The following CACNA1A variants were observed in gnomAD, a reference collection of about 807,000 sequenced individuals.
CACNA1A encodes voltage-dependent P/Q-type calcium channel subunit alpha-1A.
CACNA1A carries 57 observed loss-of-function variants against 262.4 expected under a neutral mutation model. The observed-to-expected ratio is 0.22, with a 90% confidence interval of 0.18 to 0.27. The LOEUF (loss-of-function observed/expected upper bound fraction) is 0.27. CACNA1A is among the 10% of genes least tolerant of loss of function. The pLI is 1.00. For synonymous variants in CACNA1A, 1,431 were observed against 1,419.3 expected (o/e 1.01, Z -0.18); for missense variants, 2,526 against 3,562.8 (o/e 0.71, Z 7.41).
chr19:13,238,595 A>AT (rs113456944), intron 31 of CACNA1A, among the ~76,000 whole-genome samples: 5 of 147,520 alleles, frequency 3.4e-5, no homozygotes, highest in Non-Finnish European at 1.5e-5. Context: ...ATCACCCAGT[A>AT]TTTTTTTTTT....
At chr19:13,370,387 G>A (rs1013793082) in intron 4 of CACNA1A, among the ~76,000 whole-genome samples, 7 of 152,068 alleles carry the variant, frequency 4.6e-5, no homozygotes, top group East Asian at 1.9e-4. Flanking sequence ...TTATAGGCAT[G>A]AGCCACTGCA....
intron 17 of CACNA1A, among the ~76,000 whole-genome samples, chr19:13,300,932 T>G (rs2057773865): frequency 6.7e-6 from 1 of 148,660 alleles, no homozygotes; most frequent in East Asian, 2.1e-4. Flanking sequence ...AAGACTTTCC[T>G]GCAGCCTATT....
chr19:13,237,028 C>T (rs1307228187), intron 31 of CACNA1A, among the ~76,000 whole-genome samples: 1 of 152,086 alleles, frequency 6.6e-6, no homozygotes, highest in African/African-American at 2.4e-5. Flanking sequence ...GTTTAAAAAT[C>T]AAGAGATTTT....
chr19:13,221,235 T>TTTCTTTC (rs547206163), intron 38 of CACNA1A, among the ~76,000 whole-genome samples: 15 of 72,136 alleles, frequency 2.1e-4, no homozygotes, highest in African/African-American at 7.3e-4. Flanking sequence ...TCTTTCTTTC[T>TTTCTTTC]TTTTTTTTTT....
intron 6 of CACNA1A, among the ~76,000 whole-genome samples, chr19:13,343,283 G>A (rs1046843752): frequency 1.3e-5 from 2 of 151,770 alleles, no homozygotes; most frequent in African/African-American, 4.8e-5. Flanking sequence ...ACCACACCTA[G>A]CTAATTTTTG....
chr19:13,263,812 C>T (rs552321341), intron 24 of CACNA1A, among the ~76,000 whole-genome samples: 5 of 152,242 alleles, frequency 3.3e-5, no homozygotes, highest in Admixed American at 6.5e-5. Flanking sequence ...TGAGCCACTG[C>T]GCCTGGCCCC....
intron 35 of CACNA1A, among the ~76,000 whole-genome samples, chr19:13,231,000 T>TG (rs112764471): frequency 0.21 from 30,452 of 147,276 alleles, 3,233 homozygotes; most frequent in Middle Eastern, 0.34. Flanking sequence ...TTTTTTTTTT[T>TG]TGTTTGTTTT....
At chr19:13,223,431 C>T (rs1324137344) in intron 38 of CACNA1A, among the ~76,000 whole-genome samples, 1 of 152,014 alleles carries the variant, frequency 6.6e-6, no homozygotes, top group Non-Finnish European at 1.5e-5. Flanking sequence ...TCAAGTAATC[C>T]ACCCACCTTG....
chr19:13,411,402 A>T (rs1288408315), intron 3 of CACNA1A, among the ~76,000 whole-genome samples: 1 of 152,064 alleles, frequency 6.6e-6, no homozygotes, highest in Admixed American at 6.6e-5. Flanking sequence ...TTTCCCCCAT[A>T]CTGTTCTTGT....
In CACNA1A at chr19:13,255,239, G is replaced by A; in HGVS notation, c.4611C>T (p.Ala1537=). The change falls in exon 29 of 47, where the codon GCC becomes GCT. Residue 1537 remains alanine (A), a synonymous_variant. Coordinates refer to ENST00000360228, the MANE Select transcript of CACNA1A (RefSeq NM_001127222.2). ...EKNERACIDF[A]ISAKPLTRHM... Reference sequence around the variant, plus strand: ...GTCGGGTCAGCGGCTTGGCGCTGATGGCGAAATCAATGCAGGCCCTCTGCG... The same window carrying A: ...GTCGGGTCAGCGGCTTGGCGCTGATAGCGAAATCAATGCAGGCCCTCTGCG... The A allele has an allele frequency of 6.2e-7, 1 of 1,603,126 alleles. No individual in the cohort carries two copies. Among genetic ancestry groups the A allele is most frequent in the Non-Finnish European group, 8.5e-7 (1 of 1,171,410 alleles).
At chr19:13,374,396 C>G (rs2059371175) in intron 3 of CACNA1A, among the ~76,000 whole-genome samples, 1 of 151,854 alleles carries the variant, frequency 6.6e-6, no homozygotes, top group Admixed American at 6.6e-5. Flanking sequence ...TACAGGTGTA[C>G]AACAACATAT....
At chr19:13,208,081 C>A (rs750404163) in intron 46 of CACNA1A, 28 bp from the exon 47 acceptor site, 242 of 1,134,070 alleles carry the variant, frequency 2.1e-4, no homozygotes, top group Non-Finnish European at 2.3e-4. Context: ...CAAAGGAAAT[C>A]AAAAAAAAAG....
chr19:13,275,447 T>G, intron 24 of CACNA1A: 3 of 202,506 alleles, frequency 1.5e-5, no homozygotes, highest in South Asian at 1.7e-4. Context: ...AGGGAGGGGG[T>G]CAGAATTCTC....
Position 13,334,176 on chromosome 19 carries a change from G to A in CACNA1A, c.1198+202C>T, listed in dbSNP as rs1600357056. 7.3e-6 allele frequency: 4 copies of A among 544,828 alleles called. No individual in the cohort carries two copies. In the East Asian group the frequency reaches 1.2e-4, roughly 16 times the overall value. 33.7% of individuals were successfully genotyped at this position (544,828 alleles called of 1,614,324 possible). A position where few individuals can be genotyped will look rare whatever the true frequency, so the allele number is the denominator to read the frequency against. ...TCTGATTTCAGAATTCAAGTTACGT[G>A]ATGTCAGATCCTGGCTTCATCTTAG... On this transcript the variant is annotated intron_variant, in intron 8 of 46. Coordinates refer to ENST00000360228, the MANE Select transcript of CACNA1A (RefSeq NM_001127222.2).
At chr19:13,290,710 G>A (rs934708298) in intron 19 of CACNA1A, among the ~76,000 whole-genome samples, 52 of 151,900 alleles carry the variant, frequency 3.4e-4, no homozygotes, top group Non-Finnish European at 8.8e-5. Context: ...ACCACGCCTG[G>A]CCCTGTGTAT....
At chr19:13,327,864 C>T (rs954671899) in intron 10 of CACNA1A, among the ~76,000 whole-genome samples, 10 of 151,640 alleles carry the variant, frequency 6.6e-5, no homozygotes, top group Admixed American at 3.9e-4. Flanking sequence ...TGAGCCACCG[C>T]GCCCGGCCAG....
chr19:13,354,829 AACACACAC>A (rs990781457), intron 6 of CACNA1A, among the ~76,000 whole-genome samples: 1 of 151,862 alleles, frequency 6.6e-6, no homozygotes, highest in Non-Finnish European at 1.5e-5. Context: ...AGAAGAGGAG[AACACACAC>A]AGACACACGA....
chr19:13,454,115 G>T (rs2060963155), intron 2 of CACNA1A, among the ~76,000 whole-genome samples: 1 of 151,596 alleles, frequency 6.6e-6, no homozygotes, highest in South Asian at 2.1e-4. Flanking sequence ...TTGGTCACCG[G>T]GAAAACCAAG....
At chr19:13,411,162 T>G (rs1203616491) in intron 3 of CACNA1A, among the ~76,000 whole-genome samples, 1 of 152,228 alleles carries the variant, frequency 6.6e-6, no homozygotes, top group Non-Finnish European at 1.5e-5. Flanking sequence ...ACCTAATAGA[T>G]GGCCAACACA....
Sources: allele counts gnomAD v4.1 joint callset (sites outside exome capture counted in the v4.1 genomes callset), GRCh38; gene constraint gnomAD v4.1.1; transcripts MANE v1.5; gene names NCBI Gene and HGNC (gene_info 2026-07-23, HGNC 2026-07-21).